Variants in TENM4 observed in about 807,000 individuals in gnomAD.
TENM4 encodes the protein teneurin transmembrane protein 4.
In TENM4, 82 loss-of-function variants were observed where a neutral mutation model predicts 243.3. The ratio of observed to expected loss-of-function variants is 0.34; its 90% confidence interval spans 0.28 to 0.40. The LOEUF is 0.40. Ranked by LOEUF, TENM4 falls within the 10% of genes least tolerant of loss-of-function variation. The pLI is 1.00. For missense variants in TENM4, 3,138 were observed against 3,673.3 expected (o/e 0.85, Z 3.77); for synonymous variants, 1,412 against 1,456.3 (o/e 0.97, Z 0.69).
At chr11:78,661,279 C>G (rs879521379) in intron 33 of TENM4, among the ~76,000 whole-genome samples, 170 bp downstream of exon 33, 5 of 152,208 alleles carry the variant, frequency 3.3e-5, no homozygotes, top group Non-Finnish European at 5.9e-5. Context: ...GCGTCCCTAG[C>G]AGCTTCCTAG....
intron 9 of TENM4, among the ~76,000 whole-genome samples, chr11:78,886,776 G>C (rs1027418314): frequency 7.2e-5 from 11 of 152,158 alleles, no homozygotes; most frequent in African/African-American, 1.2e-4. Context: ...CTAGCATCCA[G>C]TCCAAGTATT....
intron 2 of TENM4, among the ~76,000 whole-genome samples, chr11:79,262,181 T>C (rs898495010): frequency 2.0e-5 from 3 of 152,140 alleles, no homozygotes; most frequent in African/African-American, 7.2e-5. Context: ...AGGAAAGTCT[T>C]GGAGGCTCAG....
intron 1 of TENM4, among the ~76,000 whole-genome samples, chr11:79,424,732 A>T (rs180914435): frequency 7.8e-4 from 119 of 152,318 alleles, no homozygotes; most frequent in Middle Eastern, 6.8e-3. Context: ...CAGGATATCG[A>T]GACCACCCTG....
At chr11:79,293,775 C>A (rs1173469049) in intron 2 of TENM4, among the ~76,000 whole-genome samples, 1 of 152,176 alleles carries the variant, frequency 6.6e-6, no homozygotes, top group African/African-American at 2.4e-5. Flanking sequence ...ATGGCTTACC[C>A]GGTTTGGACC....
At position 78,771,029 on chromosome 11, in the gene TENM4, C is replaced by T; in HGVS notation, c.2502G>A (p.Met834Ile). The T allele has an allele frequency of 6.3e-7, 1 of 1,584,190 alleles. No homozygotes were observed. The highest frequency in any genetic ancestry group is 1.7e-4 in the Middle Eastern group (1 of 6,036). ...CTTTGCTGTCACCGCAGGCAGTCTCCATGGAAGTGTCACAGCCAGCTCCTC... is the reference window on the plus strand; with the variant it reads ...CTTTGCTGTCACCGCAGGCAGTCTCTATGGAAGTGTCACAGCCAGCTCCTC... ...GWRGAGCDTS[M>I]ETACGDSKDN... The change falls in exon 18 of 34, where the codon ATG becomes ATA. Residue 834 changes from methionine (M) to isoleucine (I), a missense_variant. Physicochemically the swap from Met to Ile is conservative, Grantham distance 10. Transcript: ENST00000278550.
chr11:78,979,422 C>G (rs184677787), intron 6 of TENM4, among the ~76,000 whole-genome samples: 3 of 152,168 alleles, frequency 2.0e-5, no homozygotes, highest in Non-Finnish European at 2.9e-5. Context: ...ATTGATGGAG[C>G]CTTGGGGCTC....
chr11:78,793,605 C>T (rs186367496), intron 15 of TENM4, among the ~76,000 whole-genome samples: 62 of 152,250 alleles, frequency 4.1e-4, no homozygotes, highest in Middle Eastern at 3.4e-3. Flanking sequence ...ACTTAAAGTC[C>T]AAGCCAAACC....
In TENM4 at chr11:78,706,182, C is replaced by T. The variant is rs575574974; in HGVS notation, c.4209+2179G>A. On this transcript the variant is annotated intron_variant, in intron 27 of 33. Coordinates refer to ENST00000278550, the MANE Select transcript of TENM4 (RefSeq NM_001098816.3). ...AAGAGAAGTTGTACTTATTCTGTACCCCCATTTCTAACAGAGCGCCTGGCC... is the reference window on the plus strand; with the variant it reads ...AAGAGAAGTTGTACTTATTCTGTACTCCCATTTCTAACAGAGCGCCTGGCC... Among the ~76,000 whole-genome samples the T allele has an allele frequency of 9.2e-5, 14 of 152,026 alleles. No individual in the cohort carries two copies. In the South Asian group the frequency reaches 1.0e-3, roughly 11 times the overall value.
intron 6 of TENM4, among the ~76,000 whole-genome samples, chr11:78,943,058 C>T (rs1460855996): frequency 6.6e-6 from 1 of 152,188 alleles, no homozygotes; most frequent in East Asian, 1.9e-4. Flanking sequence ...CAGACTCTTT[C>T]TCCCTAGCCC....
At chr11:79,400,420 C>T (rs1858437451) in intron 1 of TENM4, among the ~76,000 whole-genome samples, 3 of 152,162 alleles carry the variant, frequency 2.0e-5, no homozygotes, top group Admixed American at 1.3e-4. Context: ...TTGTGAAGGG[C>T]TTTGTGCCTT....
intron 2 of TENM4, among the ~76,000 whole-genome samples, chr11:79,271,932 C>T (rs1855976496): frequency 1.3e-5 from 2 of 152,170 alleles, no homozygotes; most frequent in Admixed American, 1.3e-4. Flanking sequence ...CTATGTCAGC[C>T]ACACACACAG....
At chr11:79,122,176 G>A (rs1182798818) in intron 4 of TENM4, among the ~76,000 whole-genome samples, 1 of 152,116 alleles carries the variant, frequency 6.6e-6, no homozygotes, top group African/African-American at 2.4e-5. Context: ...AATGCAATTT[G>A]ACCAGGTGAT....
chr11:79,167,015 T>C (rs2135105830), intron 3 of TENM4, among the ~76,000 whole-genome samples: 1 of 152,294 alleles, frequency 6.6e-6, no homozygotes, highest in South Asian at 2.1e-4. Context: ...TCTTAGAGGC[T>C]CATGAATGCC....
intron 1 of TENM4, among the ~76,000 whole-genome samples, chr11:79,384,455 T>C (rs140583431): frequency 6.6e-4 from 100 of 152,238 alleles, no homozygotes; most frequent in African/African-American, 2.3e-3. Flanking sequence ...CTCACCCCTC[T>C]GCTGACCGTG....
At chr11:79,304,000 G>A (rs1856588638) in intron 1 of TENM4, among the ~76,000 whole-genome samples, 1 of 152,172 alleles carries the variant, frequency 6.6e-6, no homozygotes, top group Admixed American at 6.5e-5. Flanking sequence ...TATGGTAGGA[G>A]TGGGAATGGA....
intron 1 of TENM4, among the ~76,000 whole-genome samples, chr11:79,351,035 C>T (rs559588483): frequency 2.0e-5 from 3 of 152,200 alleles, no homozygotes; most frequent in South Asian, 2.1e-4. Flanking sequence ...CCTTCCTTTT[C>T]GCTTTCTTCC....
At chr11:79,246,325 T>C (rs967763234) in intron 2 of TENM4, among the ~76,000 whole-genome samples, 2 of 152,186 alleles carry the variant, frequency 1.3e-5, no homozygotes, top group African/African-American at 4.8e-5. Context: ...GTTGTTTCCT[T>C]ACAGCATAAG....
intron 6 of TENM4, among the ~76,000 whole-genome samples, chr11:79,002,887 T>C (rs535686148): frequency 6.6e-6 from 1 of 152,170 alleles, no homozygotes; most frequent in East Asian, 1.9e-4. Context: ...AATCCAAGGA[T>C]TCTAAGGAAT....
At chr11:79,318,395 A>T (rs1856836052) in intron 1 of TENM4, among the ~76,000 whole-genome samples, 1 of 152,238 alleles carries the variant, frequency 6.6e-6, no homozygotes, top group African/African-American at 2.4e-5. Context: ...TCCAAAAACG[A>T]AACAGCCAAC....
Sources: allele counts gnomAD v4.1 joint callset (sites outside exome capture counted in the v4.1 genomes callset), GRCh38; gene constraint gnomAD v4.1.1; transcripts MANE v1.5; gene names NCBI Gene and HGNC (gene_info 2026-07-23, HGNC 2026-07-21).